PLCL1: variants seen among roughly 807,000 people sequenced by gnomAD.
PLCL1 encodes the protein phospholipase C like 1 (inactive).
PLCL1 carries 41 observed loss-of-function variants against 84.4 expected under a neutral mutation model. The observed-to-expected ratio is 0.49, with a 90% confidence interval of 0.38 to 0.63. The LOEUF (loss-of-function observed/expected upper bound fraction) is 0.63. Among genes scored for constraint, PLCL1 ranks in the 30% least tolerant of loss-of-function variants. PLCL1 has a pLI of 0.00. For missense variants in PLCL1, 1,206 were observed against 1,367.8 expected (o/e 0.88, Z 1.87); for synonymous variants, 490 against 488.3 (o/e 1.00, Z -0.05).
At position 197,885,673 on chromosome 2, in the gene PLCL1, C is replaced by T. The variant is rs151033686; in HGVS notation, c.240+80334C>T. Among the ~76,000 whole-genome samples, 524 of 152,312 alleles carry T rather than the reference C, an allele frequency of 3.4e-3. 4 individuals carry two copies. The highest frequency in any genetic ancestry group is 0.012 in the African/African-American group (488 of 41,572). ...TGGGTTTCAGCTCAAACATTTTTCC[C>T]TCAGATAGGCCTTCTCTGACCATCT... is the stretch of plus-strand genomic sequence containing the variant. On this transcript the variant is annotated intron_variant, in intron 1 of 5. Transcript: ENST00000428675.
chr2:197,849,598 A>G (rs1188388015), intron 1 of PLCL1, among the ~76,000 whole-genome samples: 7 of 152,370 alleles, frequency 4.6e-5, no homozygotes, highest in Non-Finnish European at 7.3e-5. Flanking sequence ...TTACAAAAGC[A>G]GTACAGCTTA....
chr2:197,932,300 G>A (rs1265089163), intron 1 of PLCL1, among the ~76,000 whole-genome samples: 1 of 152,076 alleles, frequency 6.6e-6, no homozygotes, highest in East Asian at 1.9e-4. Flanking sequence ...TTTTTATACT[G>A]CACTGAACAC....
intron 5 of PLCL1, among the ~76,000 whole-genome samples, chr2:198,107,385 T>G (rs183921574): frequency 3.3e-5 from 5 of 152,034 alleles, no homozygotes. Context: ...GGCAGCCTAG[T>G]GCAGGAATAA....
intron 1 of PLCL1, among the ~76,000 whole-genome samples, chr2:198,015,533 G>A (rs986752402): frequency 1.3e-5 from 2 of 152,024 alleles, no homozygotes; most frequent in African/African-American, 4.8e-5. Context: ...TAATAATGAG[G>A]TAAGAAATAT....
chr2:197,825,577 A>G (rs1402201108), intron 1 of PLCL1, among the ~76,000 whole-genome samples: 4 of 152,142 alleles, frequency 2.6e-5, no homozygotes, highest in Non-Finnish European at 4.4e-5. Flanking sequence ...CTCTCACCCA[A>G]ACTAAACCAA....
At chr2:197,855,242 C>T (rs1283416088) in intron 1 of PLCL1, among the ~76,000 whole-genome samples, 2 of 152,158 alleles carry the variant, frequency 1.3e-5, no homozygotes, top group African/African-American at 2.4e-5. Flanking sequence ...CATGCTTGCC[C>T]ATTCTACTGT....
chr2:197,854,361 T>A (rs1687294008), intron 1 of PLCL1, among the ~76,000 whole-genome samples: 1 of 152,208 alleles, frequency 6.6e-6, no homozygotes, highest in Admixed American at 6.5e-5. Context: ...TGAGTGAGGC[T>A]TCTCTCTGCC....
At chr2:198,025,823 C>G (rs765101832) in intron 1 of PLCL1, among the ~76,000 whole-genome samples, 9 of 152,048 alleles carry the variant, frequency 5.9e-5, no homozygotes, top group Admixed American at 5.9e-4. Context: ...TGATAACAAT[C>G]ACTTAGGACT....
At chr2:198,006,444 A>G (rs938842123) in intron 1 of PLCL1, among the ~76,000 whole-genome samples, 9 of 152,182 alleles carry the variant, frequency 5.9e-5, no homozygotes, top group Non-Finnish European at 1.3e-4. Flanking sequence ...TGGAGTATAT[A>G]TATATGTCCC....
chr2:198,103,808 A>T lies in PLCL1; in HGVS notation c.2996-19A>T, dbSNP rs780973297. 3.0e-6 allele frequency: 4 copies of T among 1,321,302 alleles called. No individual in the cohort carries two copies. The highest frequency in any genetic ancestry group is 4.3e-6 in the Non-Finnish European group (4 of 930,054). The allele number at this position is 1,321,302 out of a possible 1,614,324, so 81.8% of individuals were successfully genotyped here. On this transcript the variant is annotated intron_variant, in intron 4 of 5. Transcript: ENST00000428675. ...TCTGAGATATATACTCAGATTTCTT[A>T]TGCATTCTTTCTTCAAAGGGATGGA... is the stretch of plus-strand genomic sequence containing the variant.
intron 1 of PLCL1, among the ~76,000 whole-genome samples, chr2:198,031,169 A>G (rs1191421677): frequency 6.6e-6 from 1 of 150,924 alleles, no homozygotes; most frequent in Non-Finnish European, 1.5e-5. Context: ...ATAGGAGCTC[A>G]ACACCAGTCT....
rs563941344 is a variant in PLCL1, at chr2:197,963,336, A to G, written c.241-120422A>G. On this transcript the variant is annotated intron_variant, in intron 1 of 5. Coordinates refer to ENST00000428675, the MANE Select transcript of PLCL1 (RefSeq NM_006226.4). ...TTGATTTGCATTTCTTTGATGATCA[A>G]TGATGTTGAGCATCTTTTTATATGC... 3.9e-5 allele frequency among the ~76,000 whole-genome samples: 6 copies of G among 152,230 alleles called. No homozygotes were observed. The East Asian group carries it at 9.6e-4, about 24-fold the overall frequency.
intron 1 of PLCL1, among the ~76,000 whole-genome samples, chr2:197,855,233 A>G (rs1349318199): frequency 6.6e-6 from 1 of 152,182 alleles, no homozygotes; most frequent in African/African-American, 2.4e-5. Flanking sequence ...CTCAGCTTAC[A>G]TGCTTGCCCA....
At chr2:198,078,527 T>G (rs1692635519) in intron 1 of PLCL1, among the ~76,000 whole-genome samples, 1 of 152,184 alleles carries the variant, frequency 6.6e-6, no homozygotes, top group Admixed American at 6.5e-5. Context: ...TATTAAATTT[T>G]TATTAATAAT....
At chr2:197,849,221 T>C (rs945555635) in intron 1 of PLCL1, among the ~76,000 whole-genome samples, 1 of 152,110 alleles carries the variant, frequency 6.6e-6, no homozygotes, top group African/African-American at 2.4e-5. Flanking sequence ...TATTCTGTCA[T>C]ATGTGTAATT....
intron 1 of PLCL1, among the ~76,000 whole-genome samples, chr2:197,915,510 C>T (rs1264638550): frequency 6.6e-6 from 1 of 151,348 alleles, no homozygotes; most frequent in African/African-American, 2.4e-5. Flanking sequence ...AAATTTTACT[C>T]TTCAGAAGGA....
At chr2:198,015,202 A>G (rs1457568205) in intron 1 of PLCL1, among the ~76,000 whole-genome samples, 1 of 152,108 alleles carries the variant, frequency 6.6e-6, no homozygotes, top group Non-Finnish European at 1.5e-5. Flanking sequence ...TTGCCTATCT[A>G]TCTATCTATC....
At chr2:197,983,190 C>CTTTT (rs1445206643) in intron 1 of PLCL1, among the ~76,000 whole-genome samples, 5 of 66,066 alleles carry the variant, frequency 7.6e-5, no homozygotes, top group African/African-American at 2.6e-4. Context: ...TTTTCTTTTT[C>CTTTT]TTTTCTTTTC....
At chr2:198,060,433 G>T (rs1457003218) in intron 1 of PLCL1, among the ~76,000 whole-genome samples, 2 of 152,138 alleles carry the variant, frequency 1.3e-5, no homozygotes, top group Non-Finnish European at 1.5e-5. Context: ...AGTGCTGAAT[G>T]TTGTAGTGTT....
Sources: allele counts gnomAD v4.1 joint callset (sites outside exome capture counted in the v4.1 genomes callset), GRCh38; gene constraint gnomAD v4.1.1; transcripts MANE v1.5; gene names NCBI Gene and HGNC (gene_info 2026-07-23, HGNC 2026-07-21).